Variants in KCNT2 observed in about 807,000 individuals in gnomAD.
KCNT2 encodes the protein potassium sodium-activated channel subfamily T member 2.
In KCNT2, 67 loss-of-function variants were observed where a neutral mutation model predicts 153.8. The observed-to-expected ratio is 0.44, with a 90% CI of 0.36 to 0.53. The LOEUF is 0.53. KCNT2 is among the 20% of genes least tolerant of loss of function. The pLI is 0.00. For missense variants in KCNT2, 975 were observed against 1,354.8 expected, an observed-to-expected ratio of 0.72 and a Z score of 4.40; for synonymous variants, 500 against 458.8, an observed-to-expected ratio of 1.09 and a Z score of -1.15.
intron 14 of KCNT2, among the ~76,000 whole-genome samples, chr1:196,370,530 C>A (rs1301957676): frequency 6.6e-6 from 1 of 151,700 alleles, no homozygotes; most frequent in Non-Finnish European, 1.5e-5. Flanking sequence ...TTCATGCCCA[C>A]TAGGATGGTT....
At chr1:196,554,200 A>G (rs1349286886) in intron 1 of KCNT2, among the ~76,000 whole-genome samples, 2 of 151,310 alleles carry the variant, frequency 1.3e-5, no homozygotes, top group Non-Finnish European at 3.0e-5. Context: ...AATGAACAAT[A>G]CAAAAGATGA....
intron 8 of KCNT2, among the ~76,000 whole-genome samples, chr1:196,438,276 T>C (rs959364583): frequency 6.6e-6 from 1 of 151,776 alleles, no homozygotes; most frequent in Non-Finnish European, 1.5e-5. Context: ...AAATAAAATA[T>C]TACTGCTAAC....
At chr1:196,564,289 T>C (rs1244390365) in intron 1 of KCNT2, among the ~76,000 whole-genome samples, 1 of 151,444 alleles carries the variant, frequency 6.6e-6, no homozygotes, top group Non-Finnish European at 1.5e-5. Flanking sequence ...AGGAAAAAAA[T>C]TAACCAAGGA....
intron 1 of KCNT2, among the ~76,000 whole-genome samples, chr1:196,574,284 T>C (rs993058631): frequency 6.6e-6 from 1 of 151,828 alleles, no homozygotes; most frequent in Non-Finnish European, 1.5e-5. Flanking sequence ...TAAGAGTCTA[T>C]CTTCATACCA....
intron 14 of KCNT2, among the ~76,000 whole-genome samples, chr1:196,352,997 T>C (rs1666864739): frequency 6.6e-6 from 1 of 152,106 alleles, no homozygotes; most frequent in East Asian, 1.9e-4. Context: ...TCAGTTTCCA[T>C]GTAGTTGAGC....
chr1:196,388,661 G>T (rs948844478), intron 13 of KCNT2, among the ~76,000 whole-genome samples: 5 of 151,312 alleles, frequency 3.3e-5, no homozygotes, highest in Non-Finnish European at 3.0e-5. Context: ...GAATTTTAAA[G>T]GTTATATTTA....
intron 21 of KCNT2, among the ~76,000 whole-genome samples, chr1:196,315,523 G>A (rs575692310): frequency 1.2e-3 from 179 of 151,730 alleles, no homozygotes; most frequent in South Asian, 3.5e-3. Context: ...TTCAGTCCTA[G>A]CTATTCAGTA....
intron 8 of KCNT2, among the ~76,000 whole-genome samples, chr1:196,440,238 C>G (rs899562044): frequency 6.6e-6 from 1 of 151,936 alleles, no homozygotes; most frequent in African/African-American, 2.4e-5. Flanking sequence ...TTAAACCCAT[C>G]ATTTTAAAGT....
intron 22 of KCNT2, among the ~76,000 whole-genome samples, chr1:196,296,902 T>C (rs545059010): frequency 6.6e-6 from 1 of 152,180 alleles, no homozygotes; most frequent in Non-Finnish European, 1.5e-5. Flanking sequence ...GTGATGGACA[T>C]ACTTATTAAT....
chr1:196,548,099 TAAGAAAATAATAATAACTAAAA>T (rs1657363752), intron 1 of KCNT2, among the ~76,000 whole-genome samples: 1 of 151,656 alleles, frequency 6.6e-6, no homozygotes, highest in Non-Finnish European at 1.5e-5. Flanking sequence ...AGGGAGAATT[TAAGAAAATAATAATAACTAAAA>T]AATAAAAATA....
intron 1 of KCNT2, among the ~76,000 whole-genome samples, chr1:196,568,116 A>C (rs1660323463): frequency 6.6e-6 from 1 of 152,152 alleles, no homozygotes; most frequent in Admixed American, 6.5e-5. Flanking sequence ...TGTGTTATTT[A>C]TGTCAACGGT....
rs953228175 is a variant in KCNT2, at chr1:196,562,192, T to G, written c.95+46023A>C. The stretch of plus-strand genomic sequence containing the variant: ...AGCTTTTCAGGGCCATTTCAAAATA[T>G]GACAAAGAAATATATATTTTGGAAT... On this transcript the variant is annotated intron_variant, in intron 1 of 27. Coordinates refer to ENST00000294725, the MANE Select transcript of KCNT2 (RefSeq NM_198503.5). 7.2e-5 allele frequency among the ~76,000 whole-genome samples: 11 copies of G among 152,134 alleles called. No individual in the cohort carries two copies. In the South Asian group the frequency reaches 1.7e-3, roughly 23 times the overall value.
intron 12 of KCNT2, among the ~76,000 whole-genome samples, chr1:196,402,293 T>C (rs919855434): frequency 6.6e-6 from 1 of 151,556 alleles, no homozygotes; most frequent in Non-Finnish European, 1.5e-5. Context: ...CATTTCCTCT[T>C]AACTTCTATA....
chr1:196,316,716 G>A (rs996525327), intron 20 of KCNT2, among the ~76,000 whole-genome samples: 2 of 151,404 alleles, frequency 1.3e-5, no homozygotes, highest in Non-Finnish European at 3.0e-5. Flanking sequence ...CTAAAATAGA[G>A]TCAGTCTTCT....
intron 6 of KCNT2, 86 bp downstream of exon 6, chr1:196,468,908 C>T: frequency 1.3e-6 from 1 of 765,174 alleles, no homozygotes; most frequent in East Asian, 2.7e-5. Context: ...ATCTTAGCTA[C>T]CATATTATTT....
chr1:196,570,998 G>A (rs1417728771), intron 1 of KCNT2, among the ~76,000 whole-genome samples: 2 of 151,946 alleles, frequency 1.3e-5, no homozygotes, highest in Non-Finnish European at 2.9e-5. Context: ...GTTCTAATAT[G>A]TCCCATATGG....
chr1:196,379,565 T>TCTCTC (rs1669288330), intron 13 of KCNT2, among the ~76,000 whole-genome samples: 2 of 136,148 alleles, frequency 1.5e-5, no homozygotes, highest in Admixed American at 7.4e-5. Flanking sequence ...CAGTGAGACT[T>TCTCTC]TCTCTCTCTC....
At chr1:196,523,201 C>T (rs1443829055) in intron 1 of KCNT2, among the ~76,000 whole-genome samples, 3 of 152,120 alleles carry the variant, frequency 2.0e-5, no homozygotes, top group Non-Finnish European at 4.4e-5. Context: ...AGGTCTGTGG[C>T]TTCACTCCTG....
At chr1:196,531,612 T>C (rs1654953299) in intron 1 of KCNT2, among the ~76,000 whole-genome samples, 1 of 152,066 alleles carries the variant, frequency 6.6e-6, no homozygotes, top group Non-Finnish European at 1.5e-5. Context: ...ATTATTATCA[T>C]ACAAACACAA....
Sources: gnomAD v4.1 joint callset for allele counts (sites outside exome capture counted in the v4.1 genomes callset) on GRCh38, gnomAD v4.1.1 for gene constraint, MANE v1.5 for transcripts, NCBI Gene and HGNC (gene_info 2026-07-23, HGNC 2026-07-21) for gene names.